The following TOR3A variants were observed in gnomAD, a reference collection of about 807,000 sequenced individuals.
TOR3A encodes the protein torsin family 3 member A.
TOR3A carries 44 observed loss-of-function variants against 42.1 expected under a neutral mutation model. The ratio of observed to expected loss-of-function variants is 1.04; its 90% confidence interval spans 0.82 to 1.34. The LOEUF is 1.34. Ranked by LOEUF, TOR3A falls within the 40% of genes most tolerant of loss-of-function variation. TOR3A has a pLI of 0.00. For missense variants in TOR3A, 521 were observed against 507.6 expected (o/e 1.03, Z -0.25); for synonymous variants, 227 against 213.2 (o/e 1.06, Z -0.57).
rs778013879 is a variant in TOR3A, at chr1:179,087,922, G to A, written c.651G>A (p.Met217Ile). 2 of 1,590,192 alleles carry A rather than the reference G, an allele frequency of 1.3e-6. No homozygotes were observed. Among genetic ancestry groups the A allele is most frequent in the African/African-American group, 2.7e-5 (2 of 73,994 alleles). The stretch of plus-strand genomic sequence containing the variant: ...TATATCCCGTGCAGGAGCAGCTGAT[G>A]AGCCAGATCCGGGAGACGCAGCAGC... ...KYVDLYKEQL[M>I]SQIRETQQLC... Residue 217 changes from methionine to isoleucine, a missense_variant, in exon 4 of 6, where the codon ATG (methionine) becomes ATA (isoleucine). Transcript: ENST00000367627.
At chr1:179,083,581 C>CGGGG (rs78979955) in intron 2 of TOR3A, among the ~76,000 whole-genome samples, 53 of 102,504 alleles carry the variant, frequency 5.2e-4, no homozygotes, top group African/African-American at 1.4e-3. Context: ...TTAGTAGAGG[C>CGGGG]GGGGGGGGGG....
At position 179,092,490 on chromosome 1, in the gene TOR3A, T is replaced by C. The variant is rs1351553164; in HGVS notation, c.819-1603T>C. ...CTGTCATCCCAACACTTTGGGAGAC[T>C]GAGGTGGGAGAATCACTTGAGCCTA... On this transcript the variant is annotated intron_variant, in intron 4 of 5. Coordinates refer to ENST00000367627, the MANE Select transcript of TOR3A (RefSeq NM_022371.4). Among the ~76,000 whole-genome samples, 3 of 152,138 alleles carry C rather than the reference T, an allele frequency of 2.0e-5. No homozygotes were observed. The East Asian group carries it at 5.8e-4, about 29-fold the overall frequency.
intron 4 of TOR3A, chr1:179,088,383 C>CT (rs1324643553): frequency 5.4e-6 from 1 of 183,790 alleles, no homozygotes; most frequent in African/African-American, 2.3e-5. Context: ...TGACATGTGC[C>CT]TGTAGTCCCA....
In TOR3A at chr1:179,095,211, T is replaced by C. The variant is rs1214294154; in HGVS notation, c.1187T>C (p.Leu396Pro). The stretch of plus-strand genomic sequence containing the variant: ...ATTTCCCAGAGGATTAACTACTTCC[T>C]GTCATGAAGGCTAGAGGAAGACTTC... ...KSISQRINYF[L>P]S Residue 396 changes from leucine to proline, a missense_variant, in exon 6 of 6, where the codon CTG (leucine) becomes CCG (proline). Physicochemically the swap from Leu to Pro is moderately conservative, Grantham distance 98. Transcript: ENST00000367627. 1.2e-6 allele frequency: 2 copies of C among 1,613,962 alleles called. No homozygotes were observed. The highest frequency in any genetic ancestry group is 2.7e-5 in the African/African-American group (2 of 74,920).
intron 4 of TOR3A, among the ~76,000 whole-genome samples, chr1:179,091,387 G>T (rs1274486688): frequency 6.6e-6 from 1 of 152,192 alleles, no homozygotes; most frequent in Non-Finnish European, 1.5e-5. Flanking sequence ...CAGAGTGGTG[G>T]TCCTGAAGAT....
At chr1:179,092,605 C>T (rs1341542219) in intron 4 of TOR3A, among the ~76,000 whole-genome samples, 1 of 145,424 alleles carries the variant, frequency 6.9e-6, no homozygotes. Flanking sequence ...GTCATCCTAG[C>T]ACTTTGGGAG....
Position 179,083,033 on chromosome 1 carries a change from G to T in TOR3A, c.353G>T (p.Arg118Ile). The change falls in exon 2 of 6, where the codon AGA becomes ATA. Residue 118 changes from arginine to isoleucine, a missense_variant. Coordinates refer to ENST00000367627, the MANE Select transcript of TOR3A (RefSeq NM_022371.4). ...FKDCCPRGDCRISNNFTGLEW... is the reference protein window; with the variant it reads ...FKDCCPRGDCIISNNFTGLEW... ...GACTGCTGCCCTAGAGGGGATTGCA[G>T]AATCTCCAACAACTTTACAGGTTGG... 1 of 1,561,354 alleles carries T rather than the reference G, an allele frequency of 6.4e-7. No individual in the cohort carries two copies. The highest frequency in any genetic ancestry group is 8.7e-7 in the Non-Finnish European group (1 of 1,153,994).
rs766041474 is a variant in TOR3A at position 179,082,256 on chromosome 1, C to A, written c.128C>A (p.Pro43Gln). The change falls in exon 1 of 6, where the codon CCG (proline) becomes CAG (glutamine). Residue 43 changes from proline (P) to glutamine (Q), a missense_variant. By Grantham distance (76) the Pro-to-Gln change is moderately conservative. Coordinates refer to ENST00000367627, the MANE Select transcript of TOR3A (RefSeq NM_022371.4). ...GAGCCGGGCTCGGCCTGGGCCTGGC[C>A]GGGCTTCCAGCGCCTGCAGGAGCAG... ...TDEPGSAWAWPGFQRLQEQLR... is the reference protein window; with the variant it reads ...TDEPGSAWAWQGFQRLQEQLR... 8 of 1,551,430 alleles carry A rather than the reference C, an allele frequency of 5.2e-6. No homozygotes were observed. The highest frequency in any genetic ancestry group is 1.8e-4 in the Middle Eastern group (1 of 5,626).
chr1:179,094,558 G>A (rs113967239), intron 5 of TOR3A, among the ~76,000 whole-genome samples: 11 of 152,284 alleles, frequency 7.2e-5, no homozygotes, highest in African/African-American at 2.6e-4. Context: ...TCCTGGAGTT[G>A]AGAGATGAGA....
At chr1:179,090,329 C>T (rs974849534) in intron 4 of TOR3A, among the ~76,000 whole-genome samples, 3 of 152,248 alleles carry the variant, frequency 2.0e-5, no homozygotes, top group Non-Finnish European at 4.4e-5. Context: ...TGTGCCCAGG[C>T]TGTCCAGGGC....
At chr1:179,089,926 G>C (rs1254877007) in intron 4 of TOR3A, among the ~76,000 whole-genome samples, 1 of 152,122 alleles carries the variant, frequency 6.6e-6, no homozygotes, top group Non-Finnish European at 1.5e-5. Flanking sequence ...TTCTCAGCTT[G>C]GAAAACCTCA....
At chr1:179,087,790 G>A (rs1288868709) in intron 3 of TOR3A, 121 bp from the exon 4 acceptor site, 3 of 857,964 alleles carry the variant, frequency 3.5e-6, no homozygotes, top group African/African-American at 1.8e-5. Context: ...CTGGCGGGGG[G>A]CGGGGGGTGG....
chr1:179,085,193 G>A lies in TOR3A; in HGVS notation c.374-435G>A, dbSNP rs968417183. 3.3e-5 allele frequency among the ~76,000 whole-genome samples: 5 copies of A among 152,172 alleles called. 1 individual carries two copies. The highest frequency in any genetic ancestry group is 4.1e-4 in the South Asian group (2 of 4,830). Reference sequence around the variant, plus strand: ...TGTAATCCCAGCACTTTGGGAGGCCGAGGTGGGCGGATCTCGAGGTCAGGA... The same window carrying A: ...TGTAATCCCAGCACTTTGGGAGGCCAAGGTGGGCGGATCTCGAGGTCAGGA... On this transcript the variant is annotated intron_variant, in intron 2 of 5. Coordinates refer to ENST00000367627, the MANE Select transcript of TOR3A (RefSeq NM_022371.4).
At chr1:179,083,817 G>C (rs2102541308) in intron 2 of TOR3A, among the ~76,000 whole-genome samples, 1 of 152,262 alleles carries the variant, frequency 6.6e-6, no homozygotes, top group South Asian at 2.1e-4. Context: ...AACCTGTTCA[G>C]ACATTTGCAA....
At chr1:179,083,738 C>T (rs1652360962) in intron 2 of TOR3A, among the ~76,000 whole-genome samples, 1 of 152,040 alleles carries the variant, frequency 6.6e-6, no homozygotes, top group Non-Finnish European at 1.5e-5. Flanking sequence ...GTTTGGGTTG[C>T]TTGATTTGCA....
At position 179,085,831 on chromosome 1, in the gene TOR3A, T is replaced by C. The variant is rs772224034; in HGVS notation, c.577T>C (p.Cys193Arg). ...NLYRDGLMSD[C>R]VRMFIATFHF... ...GTATCGGGACGGGCTGATGAGTGAC[T>C]GTGTCAGGATGTTCATCGCCACGTT... Residue 193 changes from cysteine to arginine, a missense_variant, in exon 3 of 6, where the codon TGT becomes CGT. Cys to Arg is a radical substitution (Grantham distance 180). Coordinates refer to ENST00000367627, the MANE Select transcript of TOR3A (RefSeq NM_022371.4). 1.2e-6 allele frequency: 2 copies of C among 1,614,184 alleles called. No individual in the cohort carries two copies. The highest frequency in any genetic ancestry group is 1.7e-6 in the Non-Finnish European group (2 of 1,180,036).
rs546917031 is a variant in TOR3A, at chr1:179,094,840, T to G, written c.944-128T>G. On this transcript the variant is annotated intron_variant, in intron 5 of 5. Coordinates refer to ENST00000367627, the MANE Select transcript of TOR3A (RefSeq NM_022371.4). Reference sequence around the variant, plus strand: ...CTGCAAGGAGCCCAGATCTCACCACTGCACTCCAGCCTGGTTGACAGAGCA... The same window carrying G: ...CTGCAAGGAGCCCAGATCTCACCACGGCACTCCAGCCTGGTTGACAGAGCA... The G allele has an allele frequency of 1.3e-5, 11 of 876,956 alleles. 1 individual carries two copies. The highest frequency in any genetic ancestry group is 6.1e-5 in the South Asian group (4 of 66,008). 54.3% of individuals were successfully genotyped at this position (876,956 alleles called of 1,614,324 possible).
At chr1:179,088,246 G>A (rs962586200) in intron 4 of TOR3A, 157 bp downstream of exon 4, 5 of 796,900 alleles carry the variant, frequency 6.3e-6, no homozygotes, top group Middle Eastern at 4.0e-4. Flanking sequence ...GGTAGCTCAC[G>A]CCTGTAATCC....
chr1:179,082,599 CT>C, intron 1 of TOR3A: 1 of 773,510 alleles, frequency 1.3e-6, no homozygotes, highest in South Asian at 1.6e-5. Context: ...GCGCACCCCC[CT>C]GGCGCCCGGC....
Sources: allele counts gnomAD v4.1 joint callset (sites outside exome capture counted in the v4.1 genomes callset), GRCh38; gene constraint gnomAD v4.1.1; transcripts MANE v1.5; gene names NCBI Gene and HGNC (gene_info 2026-07-23, HGNC 2026-07-21).